CADM2: variants seen among roughly 807,000 people sequenced by gnomAD.
CADM2 encodes the protein cell adhesion molecule 2.
A neutral mutation model predicts 49.8 loss-of-function variants in CADM2; 12 were observed. The observed-to-expected ratio is 0.24, with a 90% CI of 0.15 to 0.39. The LOEUF is 0.39. Ranked by LOEUF, CADM2 falls within the 10% of genes least tolerant of loss-of-function variation. The pLI is 1.00. For missense variants in CADM2, 378 were observed against 492.3 expected, an observed-to-expected ratio of 0.77 and a Z score of 2.20; for synonymous variants, 214 against 175.4, an observed-to-expected ratio of 1.22 and a Z score of -1.74.
intron 7 of CADM2, among the ~76,000 whole-genome samples, chr3:85,949,031 G>C (rs1723075411): frequency 6.6e-6 from 1 of 151,436 alleles, no homozygotes; most frequent in Admixed American, 6.6e-5. Context: ...CAAGAATGAA[G>C]ATAGTGATGC....
intron 1 of CADM2, among the ~76,000 whole-genome samples, chr3:85,179,527 A>G (rs2040871751): frequency 6.6e-6 from 1 of 151,980 alleles, no homozygotes; most frequent in Non-Finnish European, 1.5e-5. Context: ...AGATCAGTAC[A>G]AAAATTACAA....
intron 1 of CADM2, among the ~76,000 whole-genome samples, chr3:85,065,249 A>G (rs1297345441): frequency 6.6e-6 from 1 of 152,108 alleles, no homozygotes; most frequent in Non-Finnish European, 1.5e-5. Flanking sequence ...ATAATCTACT[A>G]AATAGAATCA....
chr3:85,336,429 A>G (rs1048384672), intron 1 of CADM2, among the ~76,000 whole-genome samples: 2 of 151,580 alleles, frequency 1.3e-5, no homozygotes, highest in African/African-American at 4.8e-5. Flanking sequence ...AATAATTTAT[A>G]TTTCAGACCA....
At chr3:85,161,955 G>A (rs374799958) in intron 1 of CADM2, among the ~76,000 whole-genome samples, 2 of 152,024 alleles carry the variant, frequency 1.3e-5, no homozygotes, top group South Asian at 2.1e-4. Context: ...GTTGCAGTGA[G>A]CTGAGATCAC....
chr3:85,471,276 T>C (rs2038753086), intron 1 of CADM2, among the ~76,000 whole-genome samples: 1 of 152,112 alleles, frequency 6.6e-6, no homozygotes, highest in Non-Finnish European at 1.5e-5. Flanking sequence ...GTTCATCCAT[T>C]GTTCCAGCTT....
intron 1 of CADM2, among the ~76,000 whole-genome samples, chr3:85,184,974 A>G (rs74696036): frequency 0.03 from 4,614 of 152,210 alleles, 96 homozygotes; most frequent in East Asian, 0.045. Context: ...TCAGTAGTAC[A>G]GACATAATCA....
At chr3:85,970,925 T>C (rs1469071071) in intron 8 of CADM2, among the ~76,000 whole-genome samples, 1 of 151,404 alleles carries the variant, frequency 6.6e-6, no homozygotes, top group Non-Finnish European at 1.5e-5. Context: ...CTAGTATGGG[T>C]TAAGCAACTA....
intron 3 of CADM2, among the ~76,000 whole-genome samples, chr3:85,829,939 T>C (rs1178223238): frequency 1.3e-5 from 2 of 152,010 alleles, no homozygotes; most frequent in Non-Finnish European, 2.9e-5. Flanking sequence ...AGGTTAATTT[T>C]ACCTCTTGAC....
rs564648632 is a variant in CADM2 at position 85,797,548 on chromosome 3, G to A, written c.89-4499G>A. Among the ~76,000 whole-genome samples, 455 of 152,146 alleles carry A rather than the reference G, an allele frequency of 3.0e-3. 2 individuals carry two copies. The highest frequency in any genetic ancestry group is 6.0e-3 in the African/African-American group (251 of 41,508). ...TCTGTGTTAGTTTGCTGAGAATGAC[G>A]GTTTCCAGATTCATCCATATCCCTG... On this transcript the variant is annotated intron_variant, in intron 2 of 9. Transcript: ENST00000383699.
At chr3:85,677,160 G>A (rs900164322) in intron 1 of CADM2, among the ~76,000 whole-genome samples, 4 of 151,970 alleles carry the variant, frequency 2.6e-5, no homozygotes, top group African/African-American at 9.7e-5. Flanking sequence ...GCTCCCTTCT[G>A]TCTACAGTAT....
intron 6 of CADM2, among the ~76,000 whole-genome samples, chr3:85,926,499 TAA>T (rs942728189): frequency 1.3e-5 from 2 of 152,230 alleles, no homozygotes; most frequent in African/African-American, 2.4e-5. Flanking sequence ...GTATTAATGT[TAA>T]GTTCTGAGAG....
At chr3:85,123,933 G>C (rs2038945340) in intron 1 of CADM2, among the ~76,000 whole-genome samples, 1 of 152,182 alleles carries the variant, frequency 6.6e-6, no homozygotes. Context: ...CCATATCTAT[G>C]TTTGAACTCA....
chr3:85,510,584 T>C (rs2040569663), intron 1 of CADM2, among the ~76,000 whole-genome samples: 1 of 152,050 alleles, frequency 6.6e-6, no homozygotes, highest in Admixed American at 6.6e-5. Context: ...AATTTTGTTT[T>C]GTTTGAGCTT....
In CADM2 at chr3:85,076,303, TTG is replaced by T. The variant is rs71108205; in HGVS notation, c.61+116670_61+116671del. ...TAACCACCAAACTATAAAAAAGAAA[TTG>T]TGTGTGTGTGTGTGTGTGTGTGTGT... On this transcript the variant is annotated intron_variant, in intron 1 of 9. Coordinates refer to ENST00000383699, the MANE Select transcript of CADM2 (RefSeq NM_001167675.2). Among the ~76,000 whole-genome samples the T allele has an allele frequency of 6.1e-3, 849 of 139,244 alleles. 5 individuals are homozygous for T. The highest frequency in any genetic ancestry group is 0.018 in the East Asian group (83 of 4,612). The allele number at this position is 139,244 out of a possible 152,430, so 91.3% of individuals were successfully genotyped here.
At chr3:85,424,108 C>T (rs1032930453) in intron 1 of CADM2, among the ~76,000 whole-genome samples, 1 of 151,986 alleles carries the variant, frequency 6.6e-6, no homozygotes, top group African/African-American at 2.4e-5. Flanking sequence ...TAAACTAACA[C>T]TACTGGAGAG....
chr3:85,418,894 A>G lies in CADM2; in HGVS notation c.62-307628A>G, dbSNP rs544426716. ...AGTTAAATGGAATTTATCCATCTAT[A>G]CTTTTTCTCAATATTATGGCTATAT... On this transcript the variant is annotated intron_variant, in intron 1 of 9. Coordinates refer to ENST00000383699, the MANE Select transcript of CADM2 (RefSeq NM_001167675.2). Among the ~76,000 whole-genome samples the G allele has an allele frequency of 5.3e-5, 8 of 152,242 alleles. No homozygotes were observed. In the South Asian group the frequency reaches 1.7e-3, roughly 32 times the overall value.
intron 1 of CADM2, among the ~76,000 whole-genome samples, chr3:85,191,030 T>A (rs1355754638): frequency 6.6e-6 from 1 of 152,108 alleles, no homozygotes; most frequent in Non-Finnish European, 1.5e-5. Flanking sequence ...TGGGTGTAGT[T>A]CATTTTGCTT....
chr3:85,806,827 A>C (rs2072462804), intron 3 of CADM2, among the ~76,000 whole-genome samples: 1 of 152,104 alleles, frequency 6.6e-6, no homozygotes. Flanking sequence ...CTAGTGGGGG[A>C]ATTGGCTAAG....
chr3:85,120,792 G>T (rs529293044), intron 1 of CADM2, among the ~76,000 whole-genome samples: 2 of 151,946 alleles, frequency 1.3e-5, no homozygotes, highest in Middle Eastern at 3.4e-3. Flanking sequence ...AAACCTGCAC[G>T]TTCTTACCCC....
Sources: allele counts gnomAD v4.1 joint callset (sites outside exome capture counted in the v4.1 genomes callset), GRCh38; gene constraint gnomAD v4.1.1; transcripts MANE v1.5; gene names NCBI Gene and HGNC (gene_info 2026-07-23, HGNC 2026-07-21).